The following EMC3 variants were observed in gnomAD, a reference collection of about 807,000 sequenced individuals.
EMC3 encodes the protein ER membrane protein complex subunit 3.
EMC3 carries 13 observed loss-of-function variants against 36.6 expected under a neutral mutation model. That is an observed-to-expected ratio of 0.35 (90% confidence interval 0.23 to 0.56). The LOEUF (loss-of-function observed/expected upper bound fraction) is 0.56. Among genes scored for constraint, EMC3 ranks in the 20% least tolerant of loss-of-function variants. EMC3 has a pLI of 0.84. For synonymous variants in EMC3, 120 were observed against 111.9 expected (o/e 1.07, Z -0.46); for missense variants, 220 against 324.5 (o/e 0.68, Z 2.47).
At chr3:9,990,325 CTTT>C (rs4020037), upstream of EMC3, among the ~76,000 whole-genome samples, 2 of 88,704 alleles carry the variant, frequency 2.3e-5, no homozygotes, top group African/African-American at 5.8e-5. Flanking sequence ...GGGCCTTTCT[CTTT>C]TTTTTTTTTT....
At chr3:9,970,497 G>T (rs956514633) in intron 6 of EMC3, 85 bp downstream of exon 6, 52 of 1,398,706 alleles carry the variant, frequency 3.7e-5, no homozygotes, top group Non-Finnish European at 5.3e-5. Context: ...GTAACAAACA[G>T]CACAACCTAC....
chr3:9,976,294 C>T (rs762185091), intron 3 of EMC3, among the ~76,000 whole-genome samples: 8 of 151,944 alleles, frequency 5.3e-5, no homozygotes, highest in African/African-American at 4.8e-5. Context: ...TTAGTAGAGA[C>T]GGGGTTTCAT....
At position 9,994,499 on chromosome 3, in the gene EMC3, ACT is replaced by A. The variant is rs529458926; in HGVS notation, c.-241-7599_-241-7598del. 2.7e-3 allele frequency among the ~76,000 whole-genome samples: 414 copies of A among 152,286 alleles called. 1 individual carries two copies. The highest frequency in any genetic ancestry group is 3.3e-3 in the Non-Finnish European group (223 of 68,032). On this transcript the variant is annotated intron_variant, in intron 1 of 8. Coordinates refer to the EMC3 transcript ENST00000470827. ...TGAAGAGATTTGACTGGTGGATCTAACTCTGTGTTCTGAACTCTAAAATTCTC... is the reference window on the plus strand; with the variant it reads ...TGAAGAGATTTGACTGGTGGATCTAACTGTGTTCTGAACTCTAAAATTCTC...
At chr3:9,988,623 C>T (rs1165909316), upstream of EMC3, 4 of 898,780 alleles carry the variant, frequency 4.5e-6, no homozygotes, top group Non-Finnish European at 7.4e-6. Flanking sequence ...CACATTGGCT[C>T]TTAGATGAGA....
At chr3:9,977,251 G>A (rs1329036116) in intron 2 of EMC3, 138 bp downstream of exon 2, 6 of 890,182 alleles carry the variant, frequency 6.7e-6, no homozygotes, top group South Asian at 1.7e-5. Flanking sequence ...GTCACCATGA[G>A]AGCAAACACC....
Position 9,973,638 on chromosome 3 carries a change from C to G in EMC3, c.484G>C (p.Asp162His). Reference protein sequence around the residue: ...LQQGIELLTLDASWVSSASWY... With the variant: ...LQQGIELLTLHASWVSSASWY... ...AAAGAAAGTTCTTACCAGGATGCATCTAATGTGAGTAGCTCGATTCCTTGC... is the reference window on the plus strand; with the variant it reads ...AAAGAAAGTTCTTACCAGGATGCATGTAATGTGAGTAGCTCGATTCCTTGC... The change falls in exon 5 of 8, where the codon GAT becomes CAT. Residue 162 changes from aspartate to histidine, a missense_variant. Asp to His is a moderately conservative substitution (Grantham distance 81, BLOSUM62 -1). Coordinates refer to ENST00000245046, the MANE Select transcript of EMC3 (RefSeq NM_001394674.1). 1 of 1,614,082 alleles carries G rather than the reference C, an allele frequency of 6.2e-7. No individual in the cohort carries two copies. The highest frequency in any genetic ancestry group is 8.5e-7 in the Non-Finnish European group (1 of 1,179,972).
intron 7 of EMC3, among the ~76,000 whole-genome samples, chr3:9,967,994 T>C (rs1420493994): frequency 6.6e-6 from 1 of 152,250 alleles, no homozygotes; most frequent in Non-Finnish European, 1.5e-5. Context: ...TGATCTTGAC[T>C]CACTGCAACC....
intron 1 of EMC3, chr3:9,994,225 C>T (rs2086094855): frequency 1.9e-6 from 3 of 1,576,216 alleles, no homozygotes; most frequent in Non-Finnish European, 2.6e-6. Context: ...ATGTCGCTGG[C>T]TCAGAGTTTG....
chr3:9,973,714 A>C lies in EMC3; in HGVS notation c.413-5T>G. 1.9e-6 allele frequency: 3 copies of C among 1,613,776 alleles called. No homozygotes were observed. Among genetic ancestry groups the C allele is most frequent in the Non-Finnish European group, 2.5e-6 (3 of 1,179,634 alleles). On this transcript the variant is annotated splice_polypyrimidine_tract_variant and splice_region_variant and intron_variant, in intron 4 of 7. Transcript: ENST00000245046. The stretch of plus-strand genomic sequence containing the variant: ...TCAGTGGAAATGGGACCTTGGCTGC[A>C]GAGAAGAAAAAGTTCACAATCACTC...
chr3:9,980,383 T>TC (rs71626951), intron 1 of EMC3, among the ~76,000 whole-genome samples: 1 of 151,166 alleles, frequency 6.6e-6, no homozygotes, highest in Non-Finnish European at 1.5e-5. Context: ...TTTTTTTTTT[T>TC]GAGACAGGGT....
intron 1 of EMC3, among the ~76,000 whole-genome samples, chr3:9,982,161 C>G (rs58676208): frequency 6.2e-4 from 94 of 151,804 alleles, no homozygotes; most frequent in African/African-American, 2.2e-3. Flanking sequence ...TGCTGGCCAG[C>G]CTTGTCTCGA....
intron 1 of EMC3, among the ~76,000 whole-genome samples, chr3:9,986,181 A>T (rs1294632438): frequency 2.6e-5 from 4 of 152,188 alleles, no homozygotes; most frequent in African/African-American, 9.7e-5. Flanking sequence ...GAAGGGTGGG[A>T]TGGAATAGTT....
At chr3:9,970,420 C>T (rs771154747) in intron 6 of EMC3, among the ~76,000 whole-genome samples, 162 bp downstream of exon 6, 3 of 152,166 alleles carry the variant, frequency 2.0e-5, no homozygotes, top group East Asian at 3.8e-4. Context: ...GTTTGACCCC[C>T]GGAATTTTTA....
chr3:9,996,832 C>T (rs539154592), intron 1 of EMC3, among the ~76,000 whole-genome samples: 2 of 152,236 alleles, frequency 1.3e-5, no homozygotes, highest in South Asian at 4.2e-4. Context: ...TTCCTTTCCC[C>T]TCTTGTTCTA....
chr3:10,004,837 G>T (rs985939491), intron 1 of EMC3: 2 of 152,334 alleles, frequency 1.3e-5, no homozygotes, highest in African/African-American at 2.4e-5. Flanking sequence ...GACCCAGAGG[G>T]TTTGGAGCCT....
intron 1 of EMC3, among the ~76,000 whole-genome samples, chr3:9,992,113 A>T (rs571470993): frequency 0.012 from 1,777 of 150,902 alleles, 16 homozygotes; most frequent in South Asian, 0.042. Flanking sequence ...TTTTTTTTTT[A>T]AATTTTGTAA....
Position 9,977,421 on chromosome 3 carries a change from G to A in EMC3, c.181C>T (p.Leu61Phe), listed in dbSNP as rs1228279756. 6.2e-7 allele frequency: 1 copy of A among 1,612,460 alleles called. No individual in the cohort carries two copies. Among genetic ancestry groups the A allele is most frequent in the Non-Finnish European group, 8.5e-7 (1 of 1,179,616 alleles). The change falls in exon 2 of 8, where the codon CTC becomes TTC. Residue 61 changes from leucine to phenylalanine, a missense_variant. Coordinates refer to ENST00000245046, the MANE Select transcript of EMC3 (RefSeq NM_001394674.1). ...GGAATGTATTTTCCATTTTCCCTGA[G>A]GACTCTGCTTCGAATTAGGACTTGA... Reference protein sequence around the residue: ...DSQVLIRSRVLRENGKYIPKQ... With the variant: ...DSQVLIRSRVFRENGKYIPKQ...
At chr3:9,979,648 G>T (rs868598642) in intron 1 of EMC3, among the ~76,000 whole-genome samples, 4 of 152,192 alleles carry the variant, frequency 2.6e-5, no homozygotes, top group African/African-American at 9.7e-5. Flanking sequence ...GTCTAGTGAG[G>T]GGGAAAGACA....
intron 1 of EMC3, among the ~76,000 whole-genome samples, chr3:10,009,450 T>C (rs1371363419): frequency 2.6e-5 from 4 of 152,118 alleles, no homozygotes; most frequent in Non-Finnish European, 4.4e-5. Context: ...CAACACCTAG[T>C]CTAGAGCCTG....
Sources: gnomAD v4.1 joint callset for allele counts (sites outside exome capture counted in the v4.1 genomes callset) on GRCh38, gnomAD v4.1.1 for gene constraint, MANE v1.5 for transcripts, NCBI Gene and HGNC (gene_info 2026-07-23, HGNC 2026-07-21) for gene names.